ZNF827: variants seen among roughly 807,000 people sequenced by gnomAD.
ZNF827 encodes the protein zinc finger protein 827.
Under a neutral mutation model 102.4 loss-of-function variants are expected in ZNF827, and 13 were observed. The ratio of observed to expected loss-of-function variants is 0.13; its 90% CI spans 0.08 to 0.20. The LOEUF (loss-of-function observed/expected upper bound fraction) is 0.20. Ranked by LOEUF, ZNF827 falls within the 10% of genes least tolerant of loss-of-function variation. The pLI is 1.00. For missense variants in ZNF827, 1,103 were observed against 1,344.4 expected (o/e 0.82, Z 2.81); for synonymous variants, 523 against 536.2 (o/e 0.98, Z 0.34).
Position 145,763,073 on chromosome 4 carries a change from GC to G in ZNF827, c.*17+16del, listed in dbSNP as rs1005744372. 13 of 1,535,312 alleles carry G rather than the reference GC, an allele frequency of 8.5e-6. No homozygotes were observed. In the African/African-American group the frequency reaches 1.8e-4, roughly 21 times the overall value. On this transcript the variant is annotated intron_variant, in intron 14 of 14. Transcript: ENST00000508784. This position sits in a 1 kb window ranked among gnomAD's most constrained non-coding sequence, Gnocchi z 4.6. ...GGTCAGGTGCACACACAACCCCTAC[GC>G]CAAGCTGGGCCTTACCTAGAGGAGT...
intron 7 of ZNF827, among the ~76,000 whole-genome samples, chr4:145,833,789 T>C (rs1744521001): frequency 1.3e-5 from 2 of 151,592 alleles, no homozygotes; most frequent in South Asian, 2.1e-4. Flanking sequence ...TTTATCTCTG[T>C]GCCCCAATCC....
At position 145,765,871 on chromosome 4, in the gene ZNF827, C is replaced by G; in HGVS notation, c.2861-133G>C. On this transcript the variant is annotated intron_variant, in intron 11 of 14. Coordinates refer to ENST00000508784, the MANE Select transcript of ZNF827 (RefSeq NM_001306215.2). This position sits in a 1 kb window ranked among gnomAD's most constrained non-coding sequence, Gnocchi z 4.7. ...GCACAGGCTCATGTCCCCAGCTCCC[C>G]CACTGCTGGGGGATCCCAGGTCCTA... 1.1e-6 allele frequency: 1 copy of G among 887,008 alleles called. No individual in the cohort carries two copies. The highest frequency in any genetic ancestry group is 1.9e-5 in the South Asian group (1 of 52,844). 54.9% of individuals were successfully genotyped at this position (887,008 alleles called of 1,614,324 possible).
At chr4:145,771,618 G>A (rs1242068511) in intron 11 of ZNF827, among the ~76,000 whole-genome samples, 1 of 152,216 alleles carries the variant, frequency 6.6e-6, no homozygotes, top group East Asian at 1.9e-4. Context: ...AAGAAGGTGA[G>A]GAGGGATCAC....
At chr4:145,821,137 T>C (rs1274863819) in intron 8 of ZNF827, among the ~76,000 whole-genome samples, 2 of 152,252 alleles carry the variant, frequency 1.3e-5, no homozygotes, top group Admixed American at 6.5e-5. Context: ...AGTACATTCA[T>C]AGTTCTTCAA....
intron 8 of ZNF827, among the ~76,000 whole-genome samples, chr4:145,821,219 G>C (rs962285957): frequency 6.6e-6 from 1 of 152,142 alleles, no homozygotes; most frequent in Non-Finnish European, 1.5e-5. Context: ...ATTAGGTTTT[G>C]CCACAAAATA....
chr4:145,776,460 C>CA (rs1175778677), intron 9 of ZNF827, among the ~76,000 whole-genome samples: 123 of 124,958 alleles, frequency 9.8e-4, no homozygotes, highest in African/African-American at 3.5e-3. Flanking sequence ...AACCTTGTTT[C>CA]AAAAAAAAGA....
Position 145,901,685 on chromosome 4 carries a change from T to C in ZNF827, c.1093+481A>G, listed in dbSNP as rs188725978. ...AATGCTAACATAAAAGTATATGGTG[T>C]GATAAATTAGGGCAGAGTAGTTCCT... On this transcript the variant is annotated intron_variant, in intron 2 of 14. Transcript: ENST00000508784. Among the ~76,000 whole-genome samples, 212 of 152,308 alleles carry C rather than the reference T, an allele frequency of 1.4e-3. 1 individual carries two copies. Among genetic ancestry groups the C allele is most frequent in the African/African-American group, 4.9e-3 (203 of 41,570 alleles).
intron 7 of ZNF827, among the ~76,000 whole-genome samples, chr4:145,837,324 A>T (rs1293345934): frequency 3.3e-5 from 5 of 152,202 alleles, no homozygotes; most frequent in Admixed American, 3.3e-4. Flanking sequence ...AAAGGACTGG[A>T]CAATACTTTT....
intron 7 of ZNF827, among the ~76,000 whole-genome samples, chr4:145,828,221 C>G (rs1743871958): frequency 6.6e-6 from 1 of 152,188 alleles, no homozygotes; most frequent in African/African-American, 2.4e-5. Flanking sequence ...GAAAAGGAGC[C>G]AGTTTGTGAA....
At chr4:145,847,169 A>C (rs1746072302) in intron 6 of ZNF827, among the ~76,000 whole-genome samples, 1 of 152,184 alleles carries the variant, frequency 6.6e-6, no homozygotes, top group Non-Finnish European at 1.5e-5. Flanking sequence ...AATAAAAAAA[A>C]AAAAGAAAAG....
intron 7 of ZNF827, among the ~76,000 whole-genome samples, chr4:145,836,039 C>T (rs545239909): frequency 1.8e-4 from 28 of 151,930 alleles, no homozygotes; most frequent in Admixed American, 5.3e-4. Context: ...TTCATCCCAG[C>T]CTCTCTTCGC....
At chr4:145,797,069 T>C (rs1740462826) in intron 8 of ZNF827, among the ~76,000 whole-genome samples, 1 of 152,182 alleles carries the variant, frequency 6.6e-6, no homozygotes. Flanking sequence ...GGGGGCTTCC[T>C]GGGGTCATGC....
At chr4:145,848,097 C>T (rs1278226607) in intron 6 of ZNF827, among the ~76,000 whole-genome samples, 1 of 152,200 alleles carries the variant, frequency 6.6e-6, no homozygotes, top group East Asian at 1.9e-4. Flanking sequence ...TGAAAAGAAC[C>T]ACGCAGGTCA....
chr4:145,764,268 T>C (rs1201141616), intron 13 of ZNF827, among the ~76,000 whole-genome samples: 2 of 152,238 alleles, frequency 1.3e-5, no homozygotes, highest in Non-Finnish European at 1.5e-5. Flanking sequence ...GATTTCACTG[T>C]GCAGATGAGG....
chr4:145,767,950 A>G (rs1735570122), intron 11 of ZNF827, among the ~76,000 whole-genome samples: 1 of 152,248 alleles, frequency 6.6e-6, no homozygotes, highest in Admixed American at 6.5e-5. Context: ...GGATAAATTC[A>G]TAATTTTTAA....
chr4:145,902,178 G>C lies in ZNF827; in HGVS notation c.1081C>G (p.Pro361Ala). The C allele has an allele frequency of 6.4e-7, 1 of 1,566,634 alleles. No homozygotes were observed. Among genetic ancestry groups the C allele is most frequent in the South Asian group, 1.1e-5 (1 of 87,696 alleles). The change falls in exon 2 of 15, where the codon CCC (proline) becomes GCC (alanine). Residue 361 changes from proline to alanine, a missense_variant. Pro to Ala is a conservative substitution (Grantham distance 27, BLOSUM62 -1). Transcript: ENST00000508784. This position sits in a 1 kb window ranked among gnomAD's most constrained non-coding sequence, Gnocchi z 4.3. ...LPVPKGRVSK[P>A]SNSASEEESG... ...AAAGATGCCATACCTGAATTGGAGG[G>C]TTTAGAAACTCTTCCCTTAGGAACT...
chr4:145,928,568 T>C (rs1753593368), intron 1 of ZNF827, among the ~76,000 whole-genome samples: 1 of 152,188 alleles, frequency 6.6e-6, no homozygotes, highest in South Asian at 2.1e-4. Context: ...TCTACGTGTA[T>C]AGGCTGACTT....
At chr4:145,819,799 C>T (rs368481869) in intron 8 of ZNF827, 1 of 152,238 alleles carries the variant, frequency 6.6e-6, no homozygotes, top group African/African-American at 2.4e-5. Context: ...CCTGATGCTA[C>T]CTCTGCCTAA....
chr4:145,856,985 G>GCGCGCA (rs140194085), intron 5 of ZNF827, among the ~76,000 whole-genome samples: 6 of 140,040 alleles, frequency 4.3e-5, no homozygotes, highest in African/African-American at 1.3e-4. Flanking sequence ...GCACGCGCAC[G>GCGCGCA]CACACACACA....
Sources: allele counts gnomAD v4.1 joint callset (sites outside exome capture counted in the v4.1 genomes callset), GRCh38; gene constraint gnomAD v4.1.1; non-coding constraint Gnocchi (gnomAD v3.1); transcripts MANE v1.5; gene names NCBI Gene and HGNC (gene_info 2026-07-23, HGNC 2026-07-21).